The following LHCGR variants were observed in gnomAD, a reference collection of about 807,000 sequenced individuals.
LHCGR encodes lutropin-choriogonadotropic hormone receptor.
A neutral mutation model predicts 60.7 loss-of-function variants in LHCGR; 55 were observed. The ratio of observed to expected loss-of-function variants is 0.91; its 90% CI spans 0.73 to 1.13. LHCGR has a LOEUF of 1.13. LHCGR is among the 50% of genes most tolerant of loss of function. LHCGR has a pLI of 0.00. For missense variants in LHCGR, 862 were observed against 836.0 expected (o/e 1.03, Z -0.38); for synonymous variants, 337 against 316.5 (o/e 1.06, Z -0.69).
chr2:48,755,619 TGCAGCAGCAGCA>T lies in LHCGR; in HGVS notation c.41_52del (p.Leu14_Leu17del). The T allele has an allele frequency of 6.5e-7, 1 of 1,531,296 alleles. No individual in the cohort carries two copies. Among genetic ancestry groups the T allele is most frequent in the Non-Finnish European group, 8.8e-7 (1 of 1,141,792 alleles). The allele number at this position is 1,531,296 out of a possible 1,614,324, so 94.9% of individuals were successfully genotyped here. A position where few individuals can be genotyped will look rare whatever the true frequency, so the allele number is the denominator to read the frequency against. ...GCGCAGCGCTCGTGGCAGCGGCGGC[TGCAGCAGCAGCA>T]GCAGCTTCAGCAGCTGCAGCGCCGA... On this transcript the variant is annotated inframe_deletion, in exon 1 of 11. Coordinates refer to ENST00000294954, the MANE Select transcript of LHCGR (RefSeq NM_000233.4).
At chr2:48,749,668 C>T (rs2103734545) in intron 1 of LHCGR, among the ~76,000 whole-genome samples, 2 of 141,530 alleles carry the variant, frequency 1.4e-5, no homozygotes, top group Admixed American at 1.5e-4. Flanking sequence ...TAGAGGTGGG[C>T]AAAAGAGCAG....
intron 8 of LHCGR, among the ~76,000 whole-genome samples, chr2:48,705,720 T>G (rs1667630784): frequency 6.7e-6 from 1 of 149,054 alleles, no homozygotes; most frequent in Non-Finnish European, 1.5e-5. Context: ...AATCCCTGCT[T>G]TTTTTTTTTG....
chr2:48,696,563 T>C lies in LHCGR; in HGVS notation c.866+2052A>G, dbSNP rs968583334. On this transcript the variant is annotated intron_variant, in intron 9 of 10. Coordinates refer to ENST00000294954, the MANE Select transcript of LHCGR (RefSeq NM_000233.4). The stretch of plus-strand genomic sequence containing the variant: ...TATAGCTCAATGATTTCTCACAGAA[T>C]GATCACCTACGTACCCATTAGTCAG... 5.3e-5 allele frequency among the ~76,000 whole-genome samples: 8 copies of C among 152,152 alleles called. No individual in the cohort carries two copies. The South Asian group carries it at 8.3e-4, about 16-fold the overall frequency.
At chr2:48,708,884 A>G (rs1572843849) in intron 8 of LHCGR, 64 bp downstream of exon 8, 4 of 1,214,092 alleles carry the variant, frequency 3.3e-6, no homozygotes, top group East Asian at 2.3e-5. Flanking sequence ...ATGTGGAGGG[A>G]CACCCTAAGC....
At chr2:48,751,803 C>G (rs983844818) in intron 1 of LHCGR, among the ~76,000 whole-genome samples, 1 of 152,156 alleles carries the variant, frequency 6.6e-6, no homozygotes, top group Non-Finnish European at 1.5e-5. Flanking sequence ...AATATCTTGC[C>G]AAGGCCTCTG....
At chr2:48,701,973 A>G (rs1020058880) in intron 8 of LHCGR, among the ~76,000 whole-genome samples, 2 of 152,174 alleles carry the variant, frequency 1.3e-5, no homozygotes, top group African/African-American at 4.8e-5. Context: ...GACCAGGGCT[A>G]TTTTACTTAC....
At chr2:48,736,066 T>A (rs1669194423) in intron 1 of LHCGR, among the ~76,000 whole-genome samples, 1 of 152,222 alleles carries the variant, frequency 6.6e-6, no homozygotes, top group South Asian at 2.1e-4. Context: ...GCCATGATTG[T>A]AAGTTTCCTG....
intron 1 of LHCGR, among the ~76,000 whole-genome samples, chr2:48,734,009 T>C (rs1669113705): frequency 6.6e-6 from 1 of 152,238 alleles, no homozygotes; most frequent in African/African-American, 2.4e-5. Flanking sequence ...ATTCCACTCC[T>C]GTATACATTG....
In LHCGR at chr2:48,687,826, T is replaced by C. The variant is rs764444931; in HGVS notation, c.1971A>G (p.Ser657=). Reference sequence around the variant, plus strand: ...CATTTTTGCAGTTGGAGGTGTAAGCTGAAAAATCTTTCCTTCTATAAAGTT... The same window carrying C: ...CATTTTTGCAGTTGGAGGTGTAAGCCGAAAAATCTTTCCTTCTATAAAGTT... ...RAELYRRKDF[S]AYTSNCKNGF... Residue 657 remains serine, a synonymous_variant, in exon 11 of 11, where the codon TCA becomes TCG. Transcript: ENST00000294954. The C allele has an allele frequency of 8.7e-6, 14 of 1,614,060 alleles. No individual in the cohort carries two copies. The highest frequency in any genetic ancestry group is 2.2e-5 in the East Asian group (1 of 44,890).
Position 48,687,883 on chromosome 2 carries a change from C to G in LHCGR, c.1914G>C (p.Leu638=). ...KTFQRDFFLL[L]SKFGCCKRRA... is the part of the protein sequence containing the mutation. The stretch of plus-strand genomic sequence containing the variant: ...GACGTTTACAGCAGCCAAATTTGCT[C>G]AGCAAAAGAAAGAAATCTCTTTGGA... The change falls in exon 11 of 11, where the codon CTG becomes CTC. Residue 638 remains leucine (L), a synonymous_variant. Transcript: ENST00000294954. 1 of 1,614,048 alleles carries G rather than the reference C, an allele frequency of 6.2e-7. No individual in the cohort carries two copies. The highest frequency in any genetic ancestry group is 1.1e-5 in the South Asian group (1 of 91,080).
chr2:48,707,070 G>A (rs1667720267), intron 8 of LHCGR, among the ~76,000 whole-genome samples: 1 of 152,160 alleles, frequency 6.6e-6, no homozygotes, highest in African/African-American at 2.4e-5. Context: ...CTACAGATGG[G>A]GTTTTGGTAT....
At chr2:48,690,531 C>A (rs1217324644) in intron 10 of LHCGR, among the ~76,000 whole-genome samples, 1 of 152,176 alleles carries the variant, frequency 6.6e-6, no homozygotes, top group African/African-American at 2.4e-5. Context: ...AAAATTAGCT[C>A]TTGCAGATCC....
At chr2:48,704,931 GC>G in intron 8 of LHCGR, among the ~76,000 whole-genome samples, 1 of 152,216 alleles carries the variant, frequency 6.6e-6, no homozygotes, top group South Asian at 2.1e-4. Flanking sequence ...CCTTCTGCTA[GC>G]TTTTGAATGT....
intron 9 of LHCGR, among the ~76,000 whole-genome samples, chr2:48,696,573 C>T (rs1014126919): frequency 1.3e-5 from 2 of 152,128 alleles, no homozygotes; most frequent in African/African-American, 4.8e-5. Flanking sequence ...TGATCACCTA[C>T]GTACCCATTA....
chr2:48,718,970 A>T (rs569094891), intron 6 of LHCGR, among the ~76,000 whole-genome samples: 12 of 152,272 alleles, frequency 7.9e-5, no homozygotes, highest in African/African-American at 2.9e-4. Context: ...GTCAACTTAT[A>T]TGTCTTTACT....
At chr2:48,728,487 C>T (rs2103618449) in intron 3 of LHCGR, among the ~76,000 whole-genome samples, 1 of 152,250 alleles carries the variant, frequency 6.6e-6, no homozygotes, top group South Asian at 2.1e-4. Flanking sequence ...GTAGAAGTCA[C>T]ATGCATTGAT....
At chr2:48,722,927 A>G (rs1668565393) in intron 6 of LHCGR, among the ~76,000 whole-genome samples, 2 of 152,154 alleles carry the variant, frequency 1.3e-5, no homozygotes, top group African/African-American at 4.8e-5. Flanking sequence ...AAATAAAAAC[A>G]CATTATTTTT....
chr2:48,721,902 A>G, intron 6 of LHCGR: 1 of 411,326 alleles, frequency 2.4e-6, no homozygotes, highest in Non-Finnish European at 4.9e-6. Context: ...CTGTTTTCCC[A>G]GCACTTTGGG....
intron 8 of LHCGR, among the ~76,000 whole-genome samples, chr2:48,701,330 C>T (rs1187146714): frequency 6.6e-6 from 1 of 152,106 alleles, no homozygotes; most frequent in Non-Finnish European, 1.5e-5. Context: ...TGACCACAGG[C>T]CCCGCCATGA....
Sources: allele counts gnomAD v4.1 joint callset (sites outside exome capture counted in the v4.1 genomes callset), GRCh38; gene constraint gnomAD v4.1.1; transcripts MANE v1.5; gene names NCBI Gene and HGNC (gene_info 2026-07-23, HGNC 2026-07-21).